XYLT1: variants seen among roughly 807,000 people sequenced by gnomAD.
XYLT1 encodes xylosyltransferase 1.
A neutral mutation model predicts 91.3 loss-of-function variants in XYLT1; 36 were observed. The ratio of observed to expected loss-of-function variants is 0.39; its 90% CI spans 0.30 to 0.52. The LOEUF is 0.52. Among genes scored for constraint, XYLT1 ranks in the 20% least tolerant of loss-of-function variants. The pLI is 0.68. For missense variants in XYLT1, 1,242 were observed against 1,284.5 expected (o/e 0.97, Z 0.51); for synonymous variants, 588 against 532.0 (o/e 1.11, Z -1.45).
chr16:17,220,765 G>A (rs575431101), intron 3 of XYLT1, among the ~76,000 whole-genome samples: 18 of 152,290 alleles, frequency 1.2e-4, no homozygotes, highest in African/African-American at 4.3e-4. Context: ...GAGCCACCAC[G>A]TTCGGCCTGT....
At chr16:17,307,619 T>C (rs1231441261) in intron 2 of XYLT1, among the ~76,000 whole-genome samples, 1 of 152,212 alleles carries the variant, frequency 6.6e-6, no homozygotes, top group Non-Finnish European at 1.5e-5. Context: ...AGGGGATTCA[T>C]CAATACATCT....
Position 17,134,006 on chromosome 16 carries a change from C to T in XYLT1, c.2027+467G>A, listed in dbSNP as rs115844126. 9.0e-3 allele frequency among the ~76,000 whole-genome samples: 1,374 copies of T among 152,130 alleles called. 15 individuals are homozygous for T. Among genetic ancestry groups the T allele is most frequent in the African/African-American group, 0.026 (1,086 of 41,508 alleles). On this transcript the variant is annotated intron_variant, in intron 9 of 11. Coordinates refer to ENST00000261381, the MANE Select transcript of XYLT1 (RefSeq NM_022166.4). Reference sequence around the variant, plus strand: ...GTCTGGGATTGACTTCAAACTGATCCGGGAGGAGGCGGAAGGTGGGTGAAG... The same window carrying T: ...GTCTGGGATTGACTTCAAACTGATCTGGGAGGAGGCGGAAGGTGGGTGAAG...
intron 2 of XYLT1, among the ~76,000 whole-genome samples, chr16:17,317,888 T>C (rs931873894): frequency 2.6e-5 from 4 of 152,180 alleles, no homozygotes; most frequent in Non-Finnish European, 5.9e-5. Flanking sequence ...TTGCACACAC[T>C]ATTCCTCTGC....
intron 2 of XYLT1, among the ~76,000 whole-genome samples, chr16:17,302,198 C>T (rs1172929362): frequency 6.6e-6 from 1 of 151,868 alleles, no homozygotes; most frequent in Non-Finnish European, 1.5e-5. Flanking sequence ...GAGCAAGACT[C>T]GATCTCAAAA....
intron 2 of XYLT1, among the ~76,000 whole-genome samples, chr16:17,323,831 G>A (rs139888536): frequency 3.3e-5 from 5 of 152,242 alleles, no homozygotes; most frequent in Non-Finnish European, 5.9e-5. Context: ...CTCTGCTCTC[G>A]ATTCTAGGTC....
intron 2 of XYLT1, among the ~76,000 whole-genome samples, chr16:17,328,273 G>A (rs1403196758): frequency 2.6e-5 from 4 of 152,072 alleles, no homozygotes; most frequent in African/African-American, 7.2e-5. Context: ...TAGGCCGGGT[G>A]CAGTGGCTCA....
At chr16:17,144,962 C>G (rs191080649) in intron 6 of XYLT1, among the ~76,000 whole-genome samples, 7 of 152,314 alleles carry the variant, frequency 4.6e-5, no homozygotes, top group African/African-American at 1.2e-4. Context: ...ACTGTCACCT[C>G]TGCCTGGCTT....
chr16:17,446,694 C>A (rs759074749), intron 1 of XYLT1, among the ~76,000 whole-genome samples: 7 of 152,304 alleles, frequency 4.6e-5, no homozygotes, highest in Middle Eastern at 3.4e-3. Flanking sequence ...AAGACCCCAT[C>A]GTCTGCATTA....
intron 1 of XYLT1, among the ~76,000 whole-genome samples, chr16:17,362,700 C>T (rs1415030190): frequency 6.6e-6 from 1 of 152,258 alleles, no homozygotes; most frequent in Non-Finnish European, 1.5e-5. Flanking sequence ...ACCTATCTGG[C>T]TCTCCTGGCG....
intron 3 of XYLT1, chr16:17,227,074 C>T (rs2033078807): frequency 6.6e-6 from 1 of 152,256 alleles, no homozygotes; most frequent in South Asian, 2.1e-4. Context: ...ACAAACAGCT[C>T]CTGAGCACAG....
chr16:17,210,008 C>G lies in XYLT1; in HGVS notation c.914-9354G>C, dbSNP rs188741373. 1.4e-3 allele frequency among the ~76,000 whole-genome samples: 220 copies of G among 152,262 alleles called. 1 individual carries two copies. Among genetic ancestry groups the G allele is most frequent in the Middle Eastern group, 3.4e-3 (1 of 294 alleles). ...ACTCCAGGCTCAAGAGATCCTCCTA[C>G]CTTAGCCTGCTGAGTAGCTGGGACT... On this transcript the variant is annotated intron_variant, in intron 3 of 11. Coordinates refer to ENST00000261381, the MANE Select transcript of XYLT1 (RefSeq NM_022166.4).
intron 9 of XYLT1, among the ~76,000 whole-genome samples, chr16:17,128,794 G>A (rs149825997): frequency 2.0e-5 from 3 of 152,276 alleles, no homozygotes; most frequent in South Asian, 4.1e-4. Flanking sequence ...GGAGTACCTC[G>A]GAGGAGACCA....
chr16:17,171,235 A>C (rs928189046), intron 5 of XYLT1, among the ~76,000 whole-genome samples: 3 of 152,168 alleles, frequency 2.0e-5, no homozygotes, highest in African/African-American at 7.2e-5. Flanking sequence ...CAGGAGTAGG[A>C]TACAGCAAGG....
chr16:17,401,956 A>C (rs2035973775), intron 1 of XYLT1, among the ~76,000 whole-genome samples: 1 of 152,180 alleles, frequency 6.6e-6, no homozygotes, highest in South Asian at 2.1e-4. Context: ...GCAGTGGTGA[A>C]TTATGCGCTA....
intron 1 of XYLT1, among the ~76,000 whole-genome samples, chr16:17,386,198 C>G (rs1238006967): frequency 6.6e-6 from 1 of 152,146 alleles, no homozygotes; most frequent in Non-Finnish European, 1.5e-5. Flanking sequence ...GTGAAAAGCA[C>G]CCCCTTCGCC....
intron 2 of XYLT1, chr16:17,354,557 C>G (rs142077892): frequency 5.3e-5 from 8 of 152,358 alleles, no homozygotes; most frequent in African/African-American, 1.9e-4. Context: ...TGCAAGGACA[C>G]AGCTCTCAGT....
Position 17,385,569 on chromosome 16 carries a change from G to A in XYLT1, c.364-27519C>T, listed in dbSNP as rs1471662803. Among the ~76,000 whole-genome samples the A allele has an allele frequency of 1.3e-5, 2 of 151,750 alleles. 1 individual carries two copies. Among genetic ancestry groups the A allele is most frequent in the Admixed American group, 1.3e-4 (2 of 15,126 alleles). ...TCTGTAACGTTTCCAAACTTCCAAT[G>A]CCCATGCACTAGTTTCACGGTTTTT... On this transcript the variant is annotated intron_variant, in intron 1 of 11. Coordinates refer to ENST00000261381, the MANE Select transcript of XYLT1 (RefSeq NM_022166.4).
chr16:17,226,307 GGCCACCGTTACATTCAAA>G (rs1188321760), intron 3 of XYLT1, among the ~76,000 whole-genome samples: 3 of 152,166 alleles, frequency 2.0e-5, no homozygotes, highest in Admixed American at 2.0e-4. Flanking sequence ...GGACATTCAA[GGCCACCGTTACATTCAAA>G]GCCTCAGGGC....
At chr16:17,441,473 G>A (rs1283345722) in intron 1 of XYLT1, among the ~76,000 whole-genome samples, 1 of 152,122 alleles carries the variant, frequency 6.6e-6, no homozygotes, top group Non-Finnish European at 1.5e-5. Context: ...CACAGGCAGT[G>A]GAGCCAAGAA....
Sources: allele counts gnomAD v4.1 joint callset (sites outside exome capture counted in the v4.1 genomes callset), GRCh38; gene constraint gnomAD v4.1.1; transcripts MANE v1.5; gene names NCBI Gene and HGNC (gene_info 2026-07-23, HGNC 2026-07-21).